Variants in NUP50 observed in about 807,000 individuals in gnomAD.
NUP50 encodes nucleoporin 50, also known as nuclear pore complex protein Nup50.
Under a neutral mutation model 36.8 loss-of-function variants are expected in NUP50, and 14 were observed. The ratio of observed to expected loss-of-function variants is 0.38; its 90% confidence interval spans 0.25 to 0.59. NUP50 has a LOEUF of 0.59. Ranked by LOEUF, NUP50 falls within the 20% of genes least tolerant of loss-of-function variation. The pLI is 0.63. For synonymous variants in NUP50, 195 were observed against 210.8 expected, an observed-to-expected ratio of 0.93 and a Z score of 0.65; for missense variants, 455 against 564.6, an observed-to-expected ratio of 0.81 and a Z score of 1.97.
At chr22:45,170,201 C>G (rs1320488655) in intron 2 of NUP50, among the ~76,000 whole-genome samples, 1 of 151,940 alleles carries the variant, frequency 6.6e-6, no homozygotes, top group Non-Finnish European at 1.5e-5. Context: ...CAATAAATAT[C>G]AGCACGCCCA....
intron 6 of NUP50, among the ~76,000 whole-genome samples, chr22:45,182,986 A>G (rs981158446): frequency 8.1e-5 from 12 of 147,676 alleles, no homozygotes; most frequent in Non-Finnish European, 1.6e-4. Flanking sequence ...TGGGCGAGAT[A>G]GGACAGGGTC....
chr22:45,182,771 CCCG>C (rs1397255290), intron 6 of NUP50, among the ~76,000 whole-genome samples: 1 of 151,410 alleles, frequency 6.6e-6, no homozygotes, highest in African/African-American at 2.4e-5. Flanking sequence ...ACTACAGGTG[CCCG>C]CCACCACGCT....
At chr22:45,173,965 G>A (rs1258197812) in intron 3 of NUP50, among the ~76,000 whole-genome samples, 1 of 152,156 alleles carries the variant, frequency 6.6e-6, no homozygotes, top group Non-Finnish European at 1.5e-5. Context: ...GCTGAAATGC[G>A]GCTTTTCCTA....
chr22:45,174,083 T>C (rs1569048221), intron 3 of NUP50, among the ~76,000 whole-genome samples: 1 of 152,206 alleles, frequency 6.6e-6, no homozygotes, highest in Non-Finnish European at 1.5e-5. Flanking sequence ...TATTAATTTT[T>C]CCTCTGTAAG....
chr22:45,183,262 T>A, intron 6 of NUP50, 140 bp from the exon 7 acceptor site: 1 of 589,098 alleles, frequency 1.7e-6, no homozygotes, highest in Non-Finnish European at 3.1e-6. Context: ...TCTGTTTGGA[T>A]CAATTAAAGA....
chr22:45,181,490 CTCAAGTGGAACAGGAAAGAATT>C, intron 6 of NUP50, 123 bp downstream of exon 6: 1 of 449,072 alleles, frequency 2.2e-6, no homozygotes, highest in Non-Finnish European at 4.0e-6. Flanking sequence ...TTTGCCTGCT[CTCAAGTGGAACAGGAAAGAATT>C]CTTGGCCAGT....
At chr22:45,169,028 A>G (rs1276329167) in intron 2 of NUP50, among the ~76,000 whole-genome samples, 2 of 151,374 alleles carry the variant, frequency 1.3e-5, no homozygotes, top group South Asian at 4.2e-4. Flanking sequence ...CAGCCTCCCG[A>G]GTAGCTGGGA....
At chr22:45,183,847 C>T in intron 7 of NUP50, 1 of 279,756 alleles carries the variant, frequency 3.6e-6, no homozygotes, top group Non-Finnish European at 6.9e-6. Flanking sequence ...TAATGACTAA[C>T]TGCTTGCTGT....
rs540867018 is a variant in NUP50 at position 45,172,486 on chromosome 22, C to G, written c.153+803C>G. Among the ~76,000 whole-genome samples, 8 of 152,182 alleles carry G rather than the reference C, an allele frequency of 5.3e-5. 1 individual carries two copies. In the East Asian group the frequency reaches 1.2e-3, roughly 22 times the overall value. On this transcript the variant is annotated intron_variant, in intron 3 of 7. Transcript: ENST00000347635. ...CAAGGAAATAGTCATTGGAGGATCT[C>G]AAATGGTCAGGTTAGAGGTGCCGTG...
chr22:45,167,345 C>G (rs971455776), intron 1 of NUP50, among the ~76,000 whole-genome samples: 2 of 152,144 alleles, frequency 1.3e-5, no homozygotes, highest in African/African-American at 4.8e-5. Flanking sequence ...TGTGGGTTTT[C>G]TTTGTTTTGT....
intron 3 of NUP50, chr22:45,171,888 A>G (rs764315896): frequency 1.0e-5 from 5 of 490,580 alleles, no homozygotes; most frequent in African/African-American, 1.9e-5. Flanking sequence ...AATAAGATAA[A>G]TATAGACAAA....
At chr22:45,167,135 G>A (rs1169677706) in intron 1 of NUP50, among the ~76,000 whole-genome samples, 3 of 152,224 alleles carry the variant, frequency 2.0e-5, no homozygotes, top group African/African-American at 7.2e-5. Flanking sequence ...TTACTCTGGT[G>A]TATTGTGGTG....
At chr22:45,183,056 C>T (rs901515496) in intron 6 of NUP50, among the ~76,000 whole-genome samples, 1 of 101,430 alleles carries the variant, frequency 9.9e-6, no homozygotes, top group African/African-American at 3.9e-5. Flanking sequence ...AGCTCAGGGC[C>T]AAAGGAGCAG....
chr22:45,169,818 ACT>A (rs532903873), intron 2 of NUP50, among the ~76,000 whole-genome samples: 77 of 151,952 alleles, frequency 5.1e-4, no homozygotes, highest in Non-Finnish European at 8.4e-4. Context: ...GTCAGGGAAC[ACT>A]CTGCTCCACC....
Position 45,184,441 on chromosome 22 carries a change from G to C in NUP50, c.1205-12G>C. On this transcript the variant is annotated splice_polypyrimidine_tract_variant and intron_variant, in intron 7 of 7. Coordinates refer to ENST00000347635, the MANE Select transcript of NUP50 (RefSeq NM_007172.4). ...TCTATAATTTTGATGGGTTTTGTTT[G>C]TTTGAATGCAGGCAACATATTGCTG... 1 of 1,613,374 alleles carries C rather than the reference G, an allele frequency of 6.2e-7. No individual in the cohort carries two copies. The highest frequency in any genetic ancestry group is 1.1e-5 in the South Asian group (1 of 91,042).
At chr22:45,167,791 C>T (rs867277196) in intron 1 of NUP50, among the ~76,000 whole-genome samples, 1 of 152,206 alleles carries the variant, frequency 6.6e-6, no homozygotes, top group Non-Finnish European at 1.5e-5. Flanking sequence ...ACAAGACTTT[C>T]AGTATGTATA....
Position 45,186,666 on chromosome 22 carries a change from G to C in NUP50, c.*2011G>C, listed in dbSNP as rs767218296. On this transcript the variant is annotated 3_prime_UTR_variant, in exon 8 of 8. Coordinates refer to ENST00000347635, the MANE Select transcript of NUP50 (RefSeq NM_007172.4). ...AAATAGTTTATATATTTTTAAATTA[G>C]TAGGTATGTGTGGCTTCCTTTTTTC... The C allele has an allele frequency of 1.1e-4, 17 of 152,678 alleles. No individual in the cohort carries two copies. The highest frequency in any genetic ancestry group is 1.1e-3 in the Admixed American group (17 of 15,292). 9.5% of individuals were successfully genotyped at this position (152,678 alleles called of 1,614,324 possible).
At position 45,180,975 on chromosome 22, in the gene NUP50, AGT is replaced by A. The variant is rs536981121; in HGVS notation, c.1004-308_1004-307del. Among the ~76,000 whole-genome samples the A allele has an allele frequency of 3.2e-4, 47 of 146,568 alleles. No individual in the cohort carries two copies. In the Middle Eastern group the frequency reaches 0.014, roughly 43 times the overall value. On this transcript the variant is annotated intron_variant, in intron 5 of 7. Transcript: ENST00000347635. ...TTTCCAGTGGGTAATTTGCATATAG[AGT>A]GTTGATTTTTTTTTTCTGTCATAAG...
Position 45,184,710 on chromosome 22 carries a change from CTTAAA to C in NUP50, c.*56_*60del. Reference sequence around the variant, plus strand: ...CAAGTTGCTGCTGCTTCCACCGCCCCTTAAAGTTAGTCAGTTTTTCTTCTCTTCTT... The same window carrying C: ...CAAGTTGCTGCTGCTTCCACCGCCCCGTTAGTCAGTTTTTCTTCTCTTCTT... On this transcript the variant is annotated 3_prime_UTR_variant, in exon 8 of 8. Coordinates refer to ENST00000347635, the MANE Select transcript of NUP50 (RefSeq NM_007172.4). 1 of 1,310,550 alleles carries C rather than the reference CTTAAA, an allele frequency of 7.6e-7. No homozygotes were observed. The highest frequency in any genetic ancestry group is 1.1e-6 in the Non-Finnish European group (1 of 908,568). 81.2% of individuals were successfully genotyped at this position (1,310,550 alleles called of 1,614,324 possible). A position where few individuals can be genotyped will look rare whatever the true frequency, so the allele number is the denominator to read the frequency against.
Sources: allele counts gnomAD v4.1 joint callset (sites outside exome capture counted in the v4.1 genomes callset), GRCh38; gene constraint gnomAD v4.1.1; transcripts MANE v1.5; gene names NCBI Gene and HGNC (gene_info 2026-07-23, HGNC 2026-07-21).